MRC2: variants seen among roughly 807,000 people sequenced by gnomAD.
The protein encoded by MRC2 is C-type mannose receptor 2.
Under a neutral mutation model 206.2 loss-of-function variants are expected in MRC2, and 84 were observed. That is an observed-to-expected ratio of 0.41 (90% CI 0.34 to 0.49). The LOEUF (loss-of-function observed/expected upper bound fraction) is 0.49, where lower values mean the gene tolerates loss of function less well. Among genes scored for constraint, MRC2 ranks in the 20% least tolerant of loss-of-function variants. The pLI, the probability that MRC2 is intolerant of heterozygous loss-of-function variation, is 0.31. For missense variants in MRC2, 1,676 were observed against 2,001.5 expected, an observed-to-expected ratio of 0.84 and a Z score of 3.10; for synonymous variants, 798 against 800.0, an observed-to-expected ratio of 1.00 and a Z score of 0.04.
chr17:62,673,349 G>A (rs1423644443), intron 8 of MRC2, among the ~76,000 whole-genome samples: 1 of 152,128 alleles, frequency 6.6e-6, no homozygotes, highest in Non-Finnish European at 1.5e-5. Flanking sequence ...TTCTGGTCTG[G>A]GCACACTGGC....
chr17:62,664,842 C>G lies in MRC2; in HGVS notation c.413C>G (p.Thr138Ser). The G allele has an allele frequency of 8.7e-6, 14 of 1,613,814 alleles. No homozygotes were observed. The highest frequency in any genetic ancestry group is 1.2e-5 in the Non-Finnish European group (14 of 1,180,030). The change falls in exon 2 of 30, where the codon ACC (threonine) becomes AGC (serine). Residue 138 changes from threonine (T) to serine (S), a missense_variant. Coordinates refer to ENST00000303375, the MANE Select transcript of MRC2 (RefSeq NM_006039.5). The surrounding 1 kb of genome is among the most constrained non-coding windows in gnomAD (Gnocchi z 4.7). ...CTGTCCTTGCTCCTGGGGGCCCGCACCAGCAACATATCCAAGCCTGGCACC... is the reference window on the plus strand; with the variant it reads ...CTGTCCTTGCTCCTGGGGGCCCGCAGCAGCAACATATCCAAGCCTGGCACC... ...DQLSLLLGAR[T>S]SNISKPGTLE... is the part of the protein sequence containing the mutation.
intron 26 of MRC2, 73 bp downstream of exon 26, chr17:62,690,378 G>T: frequency 6.5e-7 from 1 of 1,527,500 alleles, no homozygotes. Flanking sequence ...AGACCCATGA[G>T]TACATCCCCA....
At chr17:62,689,449 T>C in intron 23 of MRC2, 73 bp from the exon 24 acceptor site, 1 of 1,063,992 alleles carries the variant, frequency 9.4e-7, no homozygotes, top group Non-Finnish European at 1.4e-6. Flanking sequence ...TGTGCGGCCT[T>C]CTCCTGGCCT....
chr17:62,669,517 T>G (rs2088800133), intron 6 of MRC2, among the ~76,000 whole-genome samples: 1 of 146,518 alleles, frequency 6.8e-6, no homozygotes, highest in Non-Finnish European at 1.5e-5. Flanking sequence ...CACCCCGCCT[T>G]TTTATTTTTA....
chr17:62,642,887 G>A (rs1444913616), intron 1 of MRC2, among the ~76,000 whole-genome samples: 1 of 152,142 alleles, frequency 6.6e-6, no homozygotes, highest in Non-Finnish European at 1.5e-5. Context: ...GCCCATCAGC[G>A]ATAGAATGGA....
At position 62,671,784 on chromosome 17, in the gene MRC2, T is replaced by G. The variant is rs753779753; in HGVS notation, c.1253T>G (p.Val418Gly). The change falls in exon 7 of 30, where the codon GTC becomes GGC. Residue 418 changes from valine to glycine, a missense_variant. Physicochemically the swap from Val to Gly is moderately radical, Grantham distance 109 (BLOSUM62 -3). Coordinates refer to ENST00000303375, the MANE Select transcript of MRC2 (RefSeq NM_006039.5). This position sits in a 1 kb window ranked among gnomAD's most constrained non-coding sequence, Gnocchi z 4.5. Reference sequence around the variant, plus strand: ...TGTCTACGGGGCGGTGGCGACCTGGTCAGCATCCACAGCATGGCGGAGCTG... The same window carrying G: ...TGTCTACGGGGCGGTGGCGACCTGGGCAGCATCCACAGCATGGCGGAGCTG... Reference protein sequence around the residue: ...KACLRGGGDLVSIHSMAELEF... With the variant: ...KACLRGGGDLGSIHSMAELEF... The G allele has an allele frequency of 6.2e-7, 1 of 1,611,968 alleles. No individual in the cohort carries two copies. Among genetic ancestry groups the G allele is most frequent in the Non-Finnish European group, 8.5e-7 (1 of 1,178,732 alleles).
At chr17:62,653,866 C>T (rs186527320) in intron 1 of MRC2, among the ~76,000 whole-genome samples, 5 of 152,152 alleles carry the variant, frequency 3.3e-5, no homozygotes, top group Admixed American at 2.6e-4. Flanking sequence ...ATGTAACCCC[C>T]GTCCTCCATG....
In MRC2 at chr17:62,664,577, G is replaced by A. The variant is rs756115111; in HGVS notation, c.148G>A (p.Gly50Arg). Residue 50 changes from glycine to arginine, a missense_variant, in exon 2 of 30, where the codon GGA (glycine) becomes AGA (arginine). By Grantham distance (125) the Gly-to-Arg change is moderately radical. This residue lies in a region of MRC2 where 318 missense variants were observed against 346.7 expected (regional missense o/e 0.92). Transcript: ENST00000303375. The surrounding 1 kb of genome is among the most constrained non-coding windows in gnomAD (Gnocchi z 4.7). ...EPNVFLIFSH[G>R]LQGCLEAQGG... The stretch of plus-strand genomic sequence containing the variant: ...CAACGTCTTCCTCATCTTCAGCCAT[G>A]GACTGCAGGGCTGCCTGGAGGCCCA... The A allele has an allele frequency of 3.7e-6, 6 of 1,613,118 alleles. No homozygotes were observed. In the South Asian group the frequency reaches 6.6e-5, roughly 18 times the overall value.
chr17:62,690,929 C>A lies in MRC2; in HGVS notation c.4013-20C>A. 1 of 1,573,110 alleles carries A rather than the reference C, an allele frequency of 6.4e-7. No homozygotes were observed. Among genetic ancestry groups the A allele is most frequent in the South Asian group, 1.2e-5 (1 of 85,660 alleles). On this transcript the variant is annotated intron_variant, in intron 27 of 29. Transcript: ENST00000303375. ...CTGCCCCACCTTGTCCCTGCTCCCTCAGTGCCTTCTTTCCTGCAGGAGGCA... is the reference window on the plus strand; with the variant it reads ...CTGCCCCACCTTGTCCCTGCTCCCTAAGTGCCTTCTTTCCTGCAGGAGGCA...
In MRC2 at chr17:62,677,459, G is replaced by A. The variant is rs143950307; in HGVS notation, c.2025G>A (p.Ser675=). 5.5e-5 allele frequency: 88 copies of A among 1,606,946 alleles called. No individual in the cohort carries two copies. In the African/African-American group the frequency reaches 9.8e-4, roughly 18 times the overall value. ...GCTCCTGTCCCCAGGGCTGGGCCTC[G>A]GACACCAAACTCCGGTATTGCTATA... The part of the protein sequence containing the change: ...LTGSCPQGWA[S]DTKLRYCYKV... The change falls in exon 12 of 30, where the codon TCG becomes TCA. Residue 675 remains serine, a synonymous_variant. Transcript: ENST00000303375.
intron 1 of MRC2, among the ~76,000 whole-genome samples, chr17:62,629,405 C>G (rs562651859): frequency 6.6e-6 from 1 of 152,312 alleles, no homozygotes; most frequent in Non-Finnish European, 1.5e-5. Context: ...TCAGGGAGGA[C>G]AAGGACGCCT....
intron 23 of MRC2, chr17:62,689,221 G>T (rs2089070323): frequency 1.7e-6 from 1 of 586,142 alleles, no homozygotes; most frequent in East Asian, 2.8e-5. Flanking sequence ...GCTGGCACGT[G>T]TGGCGTCAAG....
At chr17:62,628,822 G>T (rs1225365448) in intron 1 of MRC2, among the ~76,000 whole-genome samples, 1 of 152,160 alleles carries the variant, frequency 6.6e-6, no homozygotes, top group African/African-American at 2.4e-5. Flanking sequence ...GGGGAGTGGG[G>T]GTGGGGGTGT....
At chr17:62,657,079 A>C (rs1354486763) in intron 1 of MRC2, among the ~76,000 whole-genome samples, 1 of 152,204 alleles carries the variant, frequency 6.6e-6, no homozygotes, top group African/African-American at 2.4e-5. Context: ...CATCAGCTCA[A>C]GAGTGAGCCT....
chr17:62,633,418 G>A (rs1353636206), intron 1 of MRC2, among the ~76,000 whole-genome samples: 1 of 150,184 alleles, frequency 6.7e-6, no homozygotes, highest in Non-Finnish European at 1.5e-5. Context: ...CAGGGGAATT[G>A]CTTGAACCCA....
chr17:62,676,310 T>A, intron 10 of MRC2, 73 bp from the exon 11 acceptor site: 2 of 1,577,452 alleles, frequency 1.3e-6, no homozygotes, highest in Non-Finnish European at 1.7e-6. Context: ...GCTCCCACGG[T>A]AGGGCGTCTG....
In MRC2 at chr17:62,692,370, C is replaced by T; in HGVS notation, c.4359C>T (p.Ser1453=). 1 of 1,573,828 alleles carries T rather than the reference C, an allele frequency of 6.4e-7. No individual in the cohort carries two copies. The highest frequency in any genetic ancestry group is 8.6e-7 in the Non-Finnish European group (1 of 1,159,630). Reference sequence around the variant, plus strand: ...GGGCCTTTGAGGGTGCCCGCTACAGCCGCAGCAGCTCCAGCCCCACCGAGG... The same window carrying T: ...GGGCCTTTGAGGGTGCCCGCTACAGTCGCAGCAGCTCCAGCCCCACCGAGG... ...ERGAFEGARY[S]RSSSSPTEAT... is the part of the protein sequence containing the mutation. The change falls in exon 30 of 30, where the codon AGC becomes AGT. Residue 1453 remains serine (S), a synonymous_variant. Transcript: ENST00000303375. The surrounding 1 kb of genome is among the most constrained non-coding windows in gnomAD (Gnocchi z 4.2).
At chr17:62,639,758 G>T (rs2088375507) in intron 1 of MRC2, among the ~76,000 whole-genome samples, 1 of 152,174 alleles carries the variant, frequency 6.6e-6, no homozygotes, top group South Asian at 2.1e-4. Flanking sequence ...CTGAGTTGTT[G>T]GGACTACAGG....
At chr17:62,663,854 T>A (rs1027289762) in intron 1 of MRC2, among the ~76,000 whole-genome samples, 1 of 151,826 alleles carries the variant, frequency 6.6e-6, no homozygotes, top group Non-Finnish European at 1.5e-5. Context: ...TAATAGAGAT[T>A]GAGATTGAGG....
Sources: gnomAD v4.1 joint callset for allele counts (sites outside exome capture counted in the v4.1 genomes callset) on GRCh38, gnomAD v4.1.1 for gene constraint, gnomAD v4.1.1 regional missense constraint, Gnocchi (gnomAD v3.1) non-coding constraint, MANE v1.5 for transcripts, NCBI Gene and HGNC (gene_info 2026-07-23, HGNC 2026-07-21) for gene names.